The following NGLY1 variants were observed in gnomAD, a reference collection of about 807,000 sequenced individuals.
NGLY1 encodes N-glycanase 1.
NGLY1 carries 68 observed loss-of-function variants against 84.6 expected under a neutral mutation model. The observed-to-expected ratio is 0.80, with a 90% CI of 0.66 to 0.98. The LOEUF is 0.98. Among genes scored for constraint, NGLY1 ranks in the 50% least tolerant of loss-of-function variants. The pLI is 0.00. For synonymous variants in NGLY1, 280 were observed against 275.2 expected (o/e 1.02, Z -0.17); for missense variants, 779 against 770.2 (o/e 1.01, Z -0.14).
At chr3:25,744,726 A>G (rs1706332063) in intron 4 of NGLY1, among the ~76,000 whole-genome samples, 1 of 152,228 alleles carries the variant, frequency 6.6e-6, no homozygotes, top group Non-Finnish European at 1.5e-5. Context: ...TACTCCAAGG[A>G]AGACTACTTC....
chr3:25,720,372 G>C (rs994299366), intron 10 of NGLY1, among the ~76,000 whole-genome samples, 181 bp from the exon 11 acceptor site: 1 of 151,954 alleles, frequency 6.6e-6, no homozygotes, highest in Non-Finnish European at 1.5e-5. Context: ...TTTTTCCCAT[G>C]GCATCTTTTA....
In NGLY1 at chr3:25,749,783, A is replaced by C. The variant is rs1575633315; in HGVS notation, c.658+1315T>G. ...GTGCAACAAAACTTACTGTGCTGAG[A>C]TTGCTCACAATGTTTCCTCCAAGAA... On this transcript the variant is annotated intron_variant, in intron 4 of 11. Coordinates refer to ENST00000280700, the MANE Select transcript of NGLY1 (RefSeq NM_018297.4). 3 of 1,353,702 alleles carry C rather than the reference A, an allele frequency of 2.2e-6. No homozygotes were observed. In the East Asian group the frequency reaches 6.9e-5, roughly 31 times the overall value. The allele number at this position is 1,353,702 out of a possible 1,614,324, so 83.9% of individuals were successfully genotyped here. A position where few individuals can be genotyped will look rare whatever the true frequency, so the allele number is the denominator to read the frequency against.
intron 3 of NGLY1, chr3:25,755,319 T>C (rs1706983799): frequency 3.7e-6 from 5 of 1,368,580 alleles, no homozygotes; most frequent in Middle Eastern, 2.0e-4. Context: ...AAGTCCTTAA[T>C]TAAAAAGGGA....
chr3:25,755,049 T>G lies in NGLY1; in HGVS notation c.493-3786A>C, dbSNP rs1384615464. 4 of 1,265,640 alleles carry G rather than the reference T, an allele frequency of 3.2e-6. No individual in the cohort carries two copies. In the East Asian group the frequency reaches 9.2e-5, roughly 29 times the overall value. The allele number at this position is 1,265,640 out of a possible 1,614,324, so 78.4% of individuals were successfully genotyped here. A position where few individuals can be genotyped will look rare whatever the true frequency, so the allele number is the denominator to read the frequency against. On this transcript the variant is annotated intron_variant, in intron 3 of 11. Transcript: ENST00000280700. Reference sequence around the variant, plus strand: ...AAGGTTATAAATCAAATTTTGGAATTTGCTTTCCGAAATGTGACTACAATT... The same window carrying G: ...AAGGTTATAAATCAAATTTTGGAATGTGCTTTCCGAAATGTGACTACAATT...
At chr3:25,770,425 A>T (rs1476496697) in intron 2 of NGLY1, among the ~76,000 whole-genome samples, 1 of 152,218 alleles carries the variant, frequency 6.6e-6, no homozygotes, top group Non-Finnish European at 1.5e-5. Flanking sequence ...CTAGGATTAC[A>T]GCCATGAGCC....
intron 10 of NGLY1, 76 bp from the exon 11 acceptor site, chr3:25,720,267 A>G (rs924586066): frequency 8.4e-7 from 1 of 1,195,116 alleles, no homozygotes; most frequent in Non-Finnish European, 1.2e-6. Flanking sequence ...TTAGTGAAGA[A>G]TATTACTGTC....
intron 4 of NGLY1, among the ~76,000 whole-genome samples, chr3:25,747,815 G>T (rs1164175503): frequency 6.6e-6 from 1 of 152,140 alleles, no homozygotes. Flanking sequence ...CCATAAACTG[G>T]TAAGGACATT....
At chr3:25,748,257 T>G (rs1313978350) in intron 4 of NGLY1, among the ~76,000 whole-genome samples, 1 of 152,166 alleles carries the variant, frequency 6.6e-6, no homozygotes, top group Non-Finnish European at 1.5e-5. Context: ...CTTGATACCT[T>G]ACCATCACAC....
intron 10 of NGLY1, among the ~76,000 whole-genome samples, 178 bp from the exon 11 acceptor site, chr3:25,720,369 C>A (rs1559526129): frequency 1.3e-5 from 2 of 152,064 alleles, no homozygotes; most frequent in Non-Finnish European, 2.9e-5. Context: ...CAATTTTTCC[C>A]ATGGCATCTT....
rs762498007 is a variant in NGLY1 at position 25,764,103 on chromosome 3, C to T, written c.455G>A (p.Arg152His). Reference sequence around the variant, plus strand: ...TGGTGGATCTGATGACTGCCCTTGACGGTTCCTTGTGTGCTGGTTTAACCC... The same window carrying T: ...TGGTGGATCTGATGACTGCCCTTGATGGTTCCTTGTGTGCTGGTTTAACCC... ...PSGLNQHTRN[R>H]QGQSSDPPSA... Residue 152 changes from arginine to histidine, a missense_variant, in exon 3 of 12, where the codon CGT (arginine) becomes CAT (histidine). Physicochemically the swap from Arg to His is conservative, Grantham distance 29. Coordinates refer to ENST00000280700, the MANE Select transcript of NGLY1 (RefSeq NM_018297.4). 1.5e-5 allele frequency: 24 copies of T among 1,614,176 alleles called. No homozygotes were observed. The highest frequency in any genetic ancestry group is 7.7e-5 in the South Asian group (7 of 91,090).
intron 3 of NGLY1, among the ~76,000 whole-genome samples, chr3:25,752,191 T>C (rs1450362114): frequency 1.3e-5 from 2 of 152,162 alleles, no homozygotes; most frequent in Non-Finnish European, 2.9e-5. Context: ...AAGACTCAAC[T>C]ATAGATCTTG....
At chr3:25,782,414 C>A (rs1259309728) in intron 1 of NGLY1, among the ~76,000 whole-genome samples, 3 of 152,120 alleles carry the variant, frequency 2.0e-5, no homozygotes, top group African/African-American at 7.2e-5. Flanking sequence ...AACCTCAGTT[C>A]CATTTCCCTA....
At chr3:25,730,839 C>T (rs1272226028) in intron 9 of NGLY1, among the ~76,000 whole-genome samples, 2 of 152,040 alleles carry the variant, frequency 1.3e-5, no homozygotes, top group Non-Finnish European at 1.5e-5. Context: ...TTTGGAACTG[C>T]TTGATACTGA....
At chr3:25,777,395 C>CAAAAAAAA (rs11332980) in intron 2 of NGLY1, among the ~76,000 whole-genome samples, 3 of 87,438 alleles carry the variant, frequency 3.4e-5, no homozygotes, top group African/African-American at 4.4e-5. Context: ...AACTCCATCT[C>CAAAAAAAA]AAAAAAAAAA....
rs1019742195 is a variant in NGLY1 at position 25,755,302 on chromosome 3, T to G, written c.493-4039A>C. The G allele has an allele frequency of 3.7e-6, 5 of 1,361,372 alleles. No homozygotes were observed. In the African/African-American group the frequency reaches 7.1e-5, roughly 19 times the overall value. 84.3% of individuals were successfully genotyped at this position (1,361,372 alleles called of 1,614,324 possible). On this transcript the variant is annotated intron_variant, in intron 3 of 11. Coordinates refer to ENST00000280700, the MANE Select transcript of NGLY1 (RefSeq NM_018297.4). ...GATACTGCTTAACAGCTCCAAACTA[T>G]AGGCTGAAGTCCTTAATTAAAAAGG...
At chr3:25,775,937 T>C (rs764477567) in intron 2 of NGLY1, among the ~76,000 whole-genome samples, 3 of 152,226 alleles carry the variant, frequency 2.0e-5, no homozygotes, top group African/African-American at 2.4e-5. Context: ...ATTTGTATGC[T>C]AGCATCAAAA....
At chr3:25,770,475 G>A (rs1267526926) in intron 2 of NGLY1, among the ~76,000 whole-genome samples, 1 of 152,098 alleles carries the variant, frequency 6.6e-6, no homozygotes, top group Non-Finnish European at 1.5e-5. Context: ...TCCACTTGTT[G>A]ACTGATGGAT....
At chr3:25,755,690 T>C in intron 3 of NGLY1, 3 of 1,410,276 alleles carry the variant, frequency 2.1e-6, no homozygotes, top group Non-Finnish European at 3.0e-6. Context: ...GGAATTATAG[T>C]CTAGTCTAGA....
Position 25,719,524 on chromosome 3 carries a change from C to T in NGLY1, c.1901G>A (p.Arg634Lys). ...DVAWQHTQLF[R>K]QSLNDHEENC... is the part of the protein sequence containing the mutation. ...TTCTTCATGGTCATTTAAGCTTTGTCTAAACAGCTGGGTGTGTTGCCAAGC... is the reference window on the plus strand; with the variant it reads ...TTCTTCATGGTCATTTAAGCTTTGTTTAAACAGCTGGGTGTGTTGCCAAGC... The change falls in exon 12 of 12, where the codon AGA (arginine) becomes AAA (lysine). Residue 634 changes from arginine to lysine, a missense_variant. Physicochemically the swap from Arg to Lys is conservative, Grantham distance 26 (BLOSUM62 2). Coordinates refer to ENST00000280700, the MANE Select transcript of NGLY1 (RefSeq NM_018297.4). The T allele has an allele frequency of 6.2e-7, 1 of 1,614,000 alleles. No individual in the cohort carries two copies. Among genetic ancestry groups the T allele is most frequent in the South Asian group, 1.1e-5 (1 of 91,080 alleles).
Sources: gnomAD v4.1 joint callset for allele counts (sites outside exome capture counted in the v4.1 genomes callset) on GRCh38, gnomAD v4.1.1 for gene constraint, MANE v1.5 for transcripts, NCBI Gene and HGNC (gene_info 2026-07-23, HGNC 2026-07-21) for gene names.